BABAM2: variants seen among roughly 807,000 people sequenced by gnomAD.
BABAM2 encodes BRISC and BRCA1 A complex member 2.
A neutral mutation model predicts 54.7 loss-of-function variants in BABAM2; 31 were observed. The ratio of observed to expected loss-of-function variants is 0.57; its 90% CI spans 0.43 to 0.77. The LOEUF is 0.77. Among genes scored for constraint, BABAM2 ranks in the 30% least tolerant of loss-of-function variants. BABAM2 has a pLI of 0.00. For missense variants in BABAM2, 364 were observed against 455.8 expected, an observed-to-expected ratio of 0.80 and a Z score of 1.83; for synonymous variants, 167 against 162.9, an observed-to-expected ratio of 1.03 and a Z score of -0.19.
chr2:28,035,431 C>T (rs1053634536), intron 5 of BABAM2, among the ~76,000 whole-genome samples: 2 of 152,100 alleles, frequency 1.3e-5, no homozygotes, highest in Non-Finnish European at 2.9e-5. Flanking sequence ...GGACCTTCAC[C>T]TATAATCTCC....
At position 28,268,248 on chromosome 2, in the gene BABAM2, G is replaced by T. The variant is rs575987054; in HGVS notation, c.934+23386G>T. On this transcript the variant is annotated intron_variant, in intron 10 of 11. Transcript: ENST00000379624. ...CTACTTGGGGAGGCTGAGACAAGAG[G>T]ATACGTTGAGCCTAGAAATTGAGTC... Among the ~76,000 whole-genome samples, 3 of 152,316 alleles carry T rather than the reference G, an allele frequency of 2.0e-5. No homozygotes were observed. In the South Asian group the frequency reaches 6.2e-4, roughly 32 times the overall value.
At chr2:27,928,174 C>A (rs578177011) in intron 2 of BABAM2, among the ~76,000 whole-genome samples, 238 of 152,260 alleles carry the variant, frequency 1.6e-3, no homozygotes, top group Middle Eastern at 6.8e-3. Context: ...TGCCACCATG[C>A]CCAGCTAATT....
intron 3 of BABAM2, among the ~76,000 whole-genome samples, chr2:27,972,399 G>A (rs1039182389): frequency 2.0e-5 from 3 of 152,172 alleles, no homozygotes; most frequent in Non-Finnish European, 4.4e-5. Context: ...AACAGAGTGT[G>A]GTATCTAATG....
At chr2:27,896,339 T>C (rs115140461) in intron 2 of BABAM2, 1 of 157,692 alleles carries the variant, frequency 6.3e-6, no homozygotes, top group Non-Finnish European at 1.4e-5. Context: ...CTGGTCAGTA[T>C]AGATAACAAA....
chr2:28,272,176 GCAA>G (rs1330758763), intron 10 of BABAM2, among the ~76,000 whole-genome samples: 1 of 152,150 alleles, frequency 6.6e-6, no homozygotes, highest in Non-Finnish European at 1.5e-5. Flanking sequence ...TGTTCAAAAA[GCAA>G]CAATGAAGGT....
intron 4 of BABAM2, among the ~76,000 whole-genome samples, chr2:28,007,006 C>T (rs1674024072): frequency 6.6e-6 from 1 of 151,828 alleles, no homozygotes; most frequent in South Asian, 2.1e-4. Context: ...TAAAATACCC[C>T]TTCCACTAAA....
intron 3 of BABAM2, among the ~76,000 whole-genome samples, chr2:27,970,904 C>T (rs918243445): frequency 6.6e-6 from 1 of 151,946 alleles, no homozygotes; most frequent in South Asian, 2.1e-4. Context: ...TAACATATCC[C>T]ACAGTTTGGT....
chr2:28,036,048 C>T (rs1184962253), intron 5 of BABAM2, among the ~76,000 whole-genome samples: 1 of 152,108 alleles, frequency 6.6e-6, no homozygotes, highest in Non-Finnish European at 1.5e-5. Context: ...ACTCTAATTG[C>T]GCCCCCTTAC....
intron 1 of BABAM2, among the ~76,000 whole-genome samples, chr2:27,893,920 G>A (rs921398221): frequency 2.6e-5 from 4 of 151,452 alleles, no homozygotes; most frequent in Admixed American, 6.6e-5. Context: ...CTTGAACCCG[G>A]GAGGTGGAGT....
At chr2:27,948,490 G>A (rs1339989662) in intron 3 of BABAM2, among the ~76,000 whole-genome samples, 2 of 152,218 alleles carry the variant, frequency 1.3e-5, no homozygotes, top group Non-Finnish European at 2.9e-5. Flanking sequence ...AAGTGTTAAG[G>A]CTGGGTGTGG....
At chr2:28,056,622 A>G (rs1483151497) in intron 6 of BABAM2, among the ~76,000 whole-genome samples, 2 of 152,178 alleles carry the variant, frequency 1.3e-5, no homozygotes, top group Non-Finnish European at 2.9e-5. Context: ...TCTACAGGAC[A>G]TGCTTTAGTA....
chr2:28,167,934 C>G (rs1220038408), intron 7 of BABAM2, among the ~76,000 whole-genome samples: 2 of 152,120 alleles, frequency 1.3e-5, no homozygotes, highest in African/African-American at 4.8e-5. Flanking sequence ...TAATATCTTC[C>G]TCACTACTGA....
chr2:28,110,352 G>A (rs2148724499), intron 6 of BABAM2, among the ~76,000 whole-genome samples: 1 of 152,190 alleles, frequency 6.6e-6, no homozygotes, highest in South Asian at 2.1e-4. Context: ...GGCTGGGTGT[G>A]GTGGCAGATG....
intron 6 of BABAM2, among the ~76,000 whole-genome samples, chr2:28,057,882 G>A (rs192422944): frequency 1.3e-5 from 2 of 152,028 alleles, no homozygotes; most frequent in Non-Finnish European, 1.5e-5. Context: ...GGTGGCTCAC[G>A]CCTGTAATTC....
intron 2 of BABAM2, among the ~76,000 whole-genome samples, chr2:27,924,543 C>G (rs1365457620): frequency 3.9e-5 from 6 of 152,100 alleles, no homozygotes; most frequent in Admixed American, 3.9e-4. Flanking sequence ...CACACCACAC[C>G]TGGCTAATTT....
chr2:28,040,722 A>G (rs1405085742), intron 5 of BABAM2, among the ~76,000 whole-genome samples: 2 of 152,212 alleles, frequency 1.3e-5, no homozygotes, highest in African/African-American at 4.8e-5. Flanking sequence ...AAAGTTGGCA[A>G]TCATAAAGTG....
chr2:28,154,089 T>G (rs1473402949), intron 7 of BABAM2, among the ~76,000 whole-genome samples: 1 of 152,206 alleles, frequency 6.6e-6, no homozygotes, highest in African/African-American at 2.4e-5. Context: ...CATGTGATGC[T>G]TGGAAATCAC....
chr2:27,915,587 C>G (rs1465577214), intron 2 of BABAM2, among the ~76,000 whole-genome samples: 1 of 152,186 alleles, frequency 6.6e-6, no homozygotes, highest in African/African-American at 2.4e-5. Flanking sequence ...CACACTTATC[C>G]CATTACCCTG....
chr2:27,904,003 C>T, intron 2 of BABAM2, among the ~76,000 whole-genome samples: 1 of 152,110 alleles, frequency 6.6e-6, no homozygotes, highest in East Asian at 1.9e-4. Flanking sequence ...ATAAGGATTA[C>T]TTGAAGTCAA....
Sources: gnomAD v4.1 joint callset for allele counts (sites outside exome capture counted in the v4.1 genomes callset) on GRCh38, gnomAD v4.1.1 for gene constraint, MANE v1.5 for transcripts, NCBI Gene and HGNC (gene_info 2026-07-23, HGNC 2026-07-21) for gene names.